GIT2: variants seen among roughly 807,000 people sequenced by gnomAD.
GIT2 encodes ARF GTPase-activating protein GIT2.
A neutral mutation model predicts 100.3 loss-of-function variants in GIT2; 32 were observed. The observed-to-expected ratio is 0.32, with a 90% confidence interval of 0.24 to 0.43. The LOEUF is 0.43. Ranked by LOEUF, GIT2 falls within the 20% of genes least tolerant of loss-of-function variation. The pLI, the probability that GIT2 is intolerant of heterozygous loss-of-function variation, is 1.00. For missense variants in GIT2, 737 were observed against 975.1 expected (o/e 0.76, Z 3.25); for synonymous variants, 353 against 364.1 (o/e 0.97, Z 0.35).
At chr12:109,983,805 T>G (rs1162276894) in intron 4 of GIT2, 111 bp from the exon 5 acceptor site, 16 of 683,492 alleles carry the variant, frequency 2.3e-5, no homozygotes, top group Non-Finnish European at 3.9e-5. Flanking sequence ...CGCATAATCT[T>G]TATTTGTCTC....
chr12:109,998,438 A>G (rs929107275), upstream of GIT2: 1 of 152,260 alleles, frequency 6.6e-6, no homozygotes, highest in Non-Finnish European at 1.5e-5. Flanking sequence ...TGCATTAAAT[A>G]GCTTCATCCA....
chr12:109,938,129 C>T (rs185507537), intron 18 of GIT2, among the ~76,000 whole-genome samples: 22 of 152,174 alleles, frequency 1.4e-4, no homozygotes, highest in Admixed American at 1.1e-3. Flanking sequence ...CTAACTATGC[C>T]GCAATCCTGT....
intron 2 of GIT2, 36 bp from the exon 3 acceptor site, chr12:109,989,838 C>A (rs1009985764): frequency 9.2e-7 from 1 of 1,084,296 alleles, no homozygotes; most frequent in Non-Finnish European, 1.4e-6. Flanking sequence ...ACTTTAATTT[C>A]TTTTCACAAA....
Position 109,948,065 on chromosome 12 carries a change from T to C in GIT2, c.1393-561A>G. 1.1e-6 allele frequency: 1 copy of C among 876,738 alleles called. No individual in the cohort carries two copies. Among genetic ancestry groups the C allele is most frequent in the Non-Finnish European group, 1.4e-6 (1 of 731,098 alleles). 54.3% of individuals were successfully genotyped at this position (876,738 alleles called of 1,614,324 possible). On this transcript the variant is annotated intron_variant, in intron 14 of 19. Transcript: ENST00000355312. This position sits in a 1 kb window ranked among gnomAD's most constrained non-coding sequence, Gnocchi z 4.3. ...TCCAAAAAGCCAACAAGAAAAATTA[T>C]GATCAACAAGTTTTTATTACATAAT...
chr12:109,967,482 A>C lies in GIT2; in HGVS notation c.740T>G (p.Phe247Cys). 1 of 1,605,484 alleles carries C rather than the reference A, an allele frequency of 6.2e-7. No individual in the cohort carries two copies. The highest frequency in any genetic ancestry group is 8.5e-7 in the Non-Finnish European group (1 of 1,172,192). The change falls in exon 8 of 20, where the codon TTT becomes TGT. Residue 247 changes from phenylalanine (F) to cysteine (C), a missense_variant. Phe to Cys is a radical substitution (Grantham distance 205). Around this residue, in one of 3 missense-constraint regions of GIT2, gnomAD observed 266 missense variants for 376.2 expected, o/e 0.71. Coordinates refer to ENST00000355312, the MANE Select transcript of GIT2 (RefSeq NM_057169.5). ...RKPDHKNGQHFIIPQMADSSL... is the reference protein window; with the variant it reads ...RKPDHKNGQHCIIPQMADSSL... ...CCTGTCTGCCATTTGAGGTATTATA[A>C]AGTGCTGTCCATTTTTGTGATCTGA... is the stretch of plus-strand genomic sequence containing the variant.
intron 8 of GIT2, chr12:109,967,254 A>T: frequency 8.2e-7 from 1 of 1,220,390 alleles, no homozygotes; most frequent in Non-Finnish European, 1.2e-6. Flanking sequence ...CAATTTTCCT[A>T]TTAGTAAAAT....
At chr12:109,972,382 TG>T in intron 7 of GIT2, among the ~76,000 whole-genome samples, 1 of 152,324 alleles carries the variant, frequency 6.6e-6, no homozygotes, top group African/African-American at 2.4e-5. Flanking sequence ...GAATGGATGT[TG>T]AAGTTTGTTG....
chr12:109,963,664 T>G (rs1203480544), intron 9 of GIT2, among the ~76,000 whole-genome samples: 1 of 151,974 alleles, frequency 6.6e-6, no homozygotes, highest in Non-Finnish European at 1.5e-5. Context: ...CAGTTCTTCA[T>G]CAGGAGGGAG....
At position 109,948,585 on chromosome 12, in the gene GIT2, A is replaced by G. The variant is rs1876974730; in HGVS notation, c.1393-1081T>C. On this transcript the variant is annotated intron_variant, in intron 14 of 19. Coordinates refer to ENST00000355312, the MANE Select transcript of GIT2 (RefSeq NM_057169.5). This position sits in a 1 kb window ranked among gnomAD's most constrained non-coding sequence, Gnocchi z 4.3. ...CCCTTCTGGTGCGCCTTCATCTTCC[A>G]TGGACATTCTATAAGCTGGGTGTGG... 3.6e-6 allele frequency: 5 copies of G among 1,402,270 alleles called. No individual in the cohort carries two copies. The highest frequency in any genetic ancestry group is 4.6e-6 in the Non-Finnish European group (5 of 1,085,614). 86.9% of individuals were successfully genotyped at this position (1,402,270 alleles called of 1,614,324 possible). A position where few individuals can be genotyped will look rare whatever the true frequency, so the allele number is the denominator to read the frequency against.
chr12:109,965,963 G>A (rs1882236565), intron 8 of GIT2, among the ~76,000 whole-genome samples: 1 of 150,808 alleles, frequency 6.6e-6, no homozygotes, highest in Non-Finnish European at 1.5e-5. Context: ...ACGTTGGGAG[G>A]CCGAGGTGGG....
At chr12:109,942,562 G>C (rs1346350770) in intron 16 of GIT2, among the ~76,000 whole-genome samples, 1 of 152,118 alleles carries the variant, frequency 6.6e-6, no homozygotes, top group Non-Finnish European at 1.5e-5. Context: ...TCAAACTACC[G>C]AGCTCAGGCA....
At chr12:109,960,512 T>TG (rs1207764533) in intron 11 of GIT2, among the ~76,000 whole-genome samples, 1 of 151,812 alleles carries the variant, frequency 6.6e-6, no homozygotes, top group Non-Finnish European at 1.5e-5. Context: ...GTCCGGGAGG[T>TG]GGAGGTTGCA....
chr12:109,996,814 A>G (rs574071581), upstream of GIT2, among the ~76,000 whole-genome samples: 163 of 152,190 alleles, frequency 1.1e-3, no homozygotes, highest in Middle Eastern at 0.017. Flanking sequence ...GTGGTGGCTC[A>G]CTCTTGTAAT....
intron 12 of GIT2, among the ~76,000 whole-genome samples, chr12:109,955,887 A>C (rs1385111422): frequency 6.6e-6 from 1 of 150,428 alleles, no homozygotes; most frequent in African/African-American, 2.5e-5. Context: ...AAAATTTTTA[A>C]ATTTTTTGGT....
chr12:109,934,010 G>T lies in GIT2; in HGVS notation c.2067+12C>A. ...AAAAGGATTTAAACCAAGTGAGTAGGAAGTGACTTACTTTGGGGAATAATG... is the reference window on the plus strand; with the variant it reads ...AAAAGGATTTAAACCAAGTGAGTAGTAAGTGACTTACTTTGGGGAATAATG... On this transcript the variant is annotated intron_variant, in intron 19 of 19. Transcript: ENST00000355312. This position sits in a 1 kb window ranked among gnomAD's most constrained non-coding sequence, Gnocchi z 4.5. The T allele has an allele frequency of 7.1e-7, 1 of 1,414,054 alleles. No individual in the cohort carries two copies. The highest frequency in any genetic ancestry group is 1.0e-6 in the Non-Finnish European group (1 of 997,398). 87.6% of individuals were successfully genotyped at this position (1,414,054 alleles called of 1,614,324 possible). A position where few individuals can be genotyped will look rare whatever the true frequency, so the allele number is the denominator to read the frequency against.
chr12:109,947,378 C>A lies in GIT2; in HGVS notation c.1519G>T (p.Ala507Ser). ...NHSSLKRRPSARGSRPMSMYE... is the reference protein window; with the variant it reads ...NHSSLKRRPSSRGSRPMSMYE... ...ATGGACATGGGCCTACTGCCCCGGG[C>A]AGACGGACGTCTCTTTAAGGAAGAG... Residue 507 changes from alanine to serine, a missense_variant, in exon 15 of 20, where the codon GCC (alanine) becomes TCC (serine). Physicochemically the swap from Ala to Ser is moderately conservative, Grantham distance 99 (BLOSUM62 1). Coordinates refer to ENST00000355312, the MANE Select transcript of GIT2 (RefSeq NM_057169.5). The surrounding 1 kb of genome is among the most constrained non-coding windows in gnomAD (Gnocchi z 4.3). 1 of 1,614,178 alleles carries A rather than the reference C, an allele frequency of 6.2e-7. No individual in the cohort carries two copies. Among genetic ancestry groups the A allele is most frequent in the Non-Finnish European group, 8.5e-7 (1 of 1,180,016 alleles).
chr12:109,965,426 TAA>T (rs1882073160), intron 9 of GIT2, 98 bp downstream of exon 9: 1 of 687,682 alleles, frequency 1.5e-6, no homozygotes, highest in South Asian at 1.9e-5. Context: ...AAGTATGAAA[TAA>T]AGTCATCAGA....
chr12:109,938,975 G>T, intron 17 of GIT2, 190 bp downstream of exon 17: 1 of 570,170 alleles, frequency 1.8e-6, no homozygotes, highest in Non-Finnish European at 3.2e-6. Flanking sequence ...CAAAGAAAAA[G>T]GCCTTTCGGC....
intron 7 of GIT2, among the ~76,000 whole-genome samples, chr12:109,969,442 C>T (rs1245922334): frequency 6.6e-6 from 1 of 152,168 alleles, no homozygotes; most frequent in African/African-American, 2.4e-5. Flanking sequence ...GCTGGGATTA[C>T]AGGTGTGAGC....
Sources: gnomAD v4.1 joint callset for allele counts (sites outside exome capture counted in the v4.1 genomes callset) on GRCh38, gnomAD v4.1.1 for gene constraint, gnomAD v4.1.1 regional missense constraint, Gnocchi (gnomAD v3.1) non-coding constraint, MANE v1.5 for transcripts, NCBI Gene and HGNC (gene_info 2026-07-23, HGNC 2026-07-21) for gene names.